SEC14L1: variants seen among roughly 807,000 people sequenced by gnomAD.
The protein encoded by SEC14L1 is SEC14-like protein 1.
SEC14L1 carries 48 observed loss-of-function variants against 85.3 expected under a neutral mutation model. That is an observed-to-expected ratio of 0.56 (90% CI 0.45 to 0.72). The LOEUF (loss-of-function observed/expected upper bound fraction) is 0.72. Ranked by LOEUF, SEC14L1 falls within the 30% of genes least tolerant of loss-of-function variation. The probability of loss-of-function intolerance (pLI) is 0.00; values close to 1 mark genes in which losing one functional copy is unlikely to be tolerated. For synonymous variants in SEC14L1, 391 were observed against 355.5 expected (o/e 1.10, Z -1.12); for missense variants, 682 against 921.4 (o/e 0.74, Z 3.36).
In SEC14L1 at chr17:77,112,852, C is replaced by T. The variant is rs964432395; in HGVS notation, c.-136+19505C>T. On this transcript the variant is annotated intron_variant, in intron 3 of 19. Transcript: ENST00000392476. ...TCGCGCCACTGCATTCCAGCCTGGG[C>T]GACAGAGCGAGACTCAAAAAAAAAA... Among the ~76,000 whole-genome samples, 7 of 146,202 alleles carry T rather than the reference C, an allele frequency of 4.8e-5. No individual in the cohort carries two copies. The South Asian group carries it at 6.5e-4, about 14-fold the overall frequency.
chr17:77,101,927 C>T lies in SEC14L1; in HGVS notation c.-136+8580C>T, dbSNP rs974746658. Among the ~76,000 whole-genome samples the T allele has an allele frequency of 3.3e-5, 5 of 152,148 alleles. No individual in the cohort carries two copies. The South Asian group carries it at 8.3e-4, about 25-fold the overall frequency. On this transcript the variant is annotated intron_variant, in intron 3 of 19. Coordinates refer to the SEC14L1 transcript ENST00000392476. ...TCTTGTAGTTTATTCACCAGGGTCT[C>T]TATGTCATGCAAGCTGGGTTCTCTG...
chr17:77,116,880 A>T (rs1972181778), intron 3 of SEC14L1, among the ~76,000 whole-genome samples: 1 of 152,106 alleles, frequency 6.6e-6, no homozygotes, highest in South Asian at 2.1e-4. Flanking sequence ...CAGCTGTGAG[A>T]GGGGGCTGGG....
intron 2 of SEC14L1, 86 bp from the exon 3 acceptor site, chr17:77,143,481 G>T: frequency 1.4e-6 from 1 of 703,070 alleles, no homozygotes; most frequent in South Asian, 1.9e-5. Flanking sequence ...TCTGTCGTTA[G>T]AGTGTGGTAT....
rs1973116905 is a variant in SEC14L1 at position 77,142,732 on chromosome 17, A to G, written c.-49A>G. On this transcript the variant is annotated 5_prime_UTR_variant, in exon 2 of 17. Coordinates refer to ENST00000436233, the MANE Select transcript of SEC14L1 (RefSeq NM_001143998.2). ...TCAGCATAAAGTACCATTCTTAATGATTATCCTCAACAAGACAGGTAGGCT... is the reference window on the plus strand; with the variant it reads ...TCAGCATAAAGTACCATTCTTAATGGTTATCCTCAACAAGACAGGTAGGCT... 1 of 152,064 alleles carries G rather than the reference A, an allele frequency of 6.6e-6. No individual in the cohort carries two copies. The highest frequency in any genetic ancestry group is 1.5e-5 in the Non-Finnish European group (1 of 68,030). 9.4% of individuals were successfully genotyped at this position (152,064 alleles called of 1,614,324 possible). A position where few individuals can be genotyped will look rare whatever the true frequency, so the allele number is the denominator to read the frequency against.
upstream of SEC14L1, among the ~76,000 whole-genome samples, chr17:77,138,800 G>A (rs1972869889): frequency 1.3e-5 from 2 of 152,108 alleles, no homozygotes; most frequent in South Asian, 4.1e-4. Flanking sequence ...CTCAAGCCTG[G>A]GGAACAGAGT....
intron 3 of SEC14L1, among the ~76,000 whole-genome samples, chr17:77,113,914 A>G (rs557867927): frequency 3.9e-5 from 6 of 152,276 alleles, no homozygotes; most frequent in African/African-American, 9.6e-5. Flanking sequence ...CAGTACAGCA[A>G]AGAGTTAAGC....
At chr17:77,139,789 C>T (rs1027674702), upstream of SEC14L1, among the ~76,000 whole-genome samples, 5 of 152,072 alleles carry the variant, frequency 3.3e-5, no homozygotes, top group African/African-American at 9.7e-5. Flanking sequence ...TGAGCCACCG[C>T]GCCCGGCCGG....
At chr17:77,184,425 C>T (rs1480552787) in intron 3 of SEC14L1, among the ~76,000 whole-genome samples, 2 of 152,130 alleles carry the variant, frequency 1.3e-5, no homozygotes, top group Non-Finnish European at 2.9e-5. Flanking sequence ...AATTGGCAAT[C>T]CTTCTGTGTT....
intron 3 of SEC14L1, among the ~76,000 whole-genome samples, chr17:77,163,290 G>T (rs998153422): frequency 6.6e-6 from 1 of 152,096 alleles, no homozygotes; most frequent in Non-Finnish European, 1.5e-5. Flanking sequence ...CGTCTGCCCC[G>T]GGATTATCTT....
chr17:77,128,998 G>C (rs969093269), intron 3 of SEC14L1, among the ~76,000 whole-genome samples: 1 of 152,066 alleles, frequency 6.6e-6, no homozygotes, highest in Non-Finnish European at 1.5e-5. Flanking sequence ...TTTCATGTTG[G>C]TCTTTTGAAC....
intron 2 of SEC14L1, chr17:77,089,554 A>G (rs1971456219): frequency 2.1e-6 from 1 of 476,432 alleles, no homozygotes; most frequent in Admixed American, 2.4e-5. Flanking sequence ...TCAAAACTTC[A>G]TAAACAATGT....
In SEC14L1 at chr17:77,206,982, G is replaced by T. The variant is rs542224326; in HGVS notation, c.1476+120G>T. 2 of 1,116,682 alleles carry T rather than the reference G, an allele frequency of 1.8e-6. No homozygotes were observed. The highest frequency in any genetic ancestry group is 2.6e-5 in the East Asian group (1 of 38,378). The allele number at this position is 1,116,682 out of a possible 1,614,324, so 69.2% of individuals were successfully genotyped here. A position where few individuals can be genotyped will look rare whatever the true frequency, so the allele number is the denominator to read the frequency against. The stretch of plus-strand genomic sequence containing the variant: ...TGTTTGGATGTTTTGTTTTTGTTTT[G>T]TTTCTTTTGGCCGCCATTTCTCTGA... On this transcript the variant is annotated intron_variant, in intron 13 of 16. Transcript: ENST00000436233. This position sits in a 1 kb window ranked among gnomAD's most constrained non-coding sequence, Gnocchi z 4.3.
intron 3 of SEC14L1, among the ~76,000 whole-genome samples, chr17:77,147,309 A>G (rs1054015750): frequency 6.6e-6 from 1 of 152,128 alleles, no homozygotes; most frequent in African/African-American, 2.4e-5. Context: ...GTCAGGTCAG[A>G]TATGTTAATT....
chr17:77,120,357 C>T (rs1972265387), intron 3 of SEC14L1, among the ~76,000 whole-genome samples: 3 of 152,162 alleles, frequency 2.0e-5, no homozygotes, highest in Admixed American at 6.6e-5. Flanking sequence ...ACCACAGTGC[C>T]ATCACAGAGG....
chr17:77,212,222 A>C, intron 15 of SEC14L1, 21 bp downstream of exon 15: 1 of 1,610,962 alleles, frequency 6.2e-7, no homozygotes, highest in African/African-American at 1.3e-5. Flanking sequence ...ACACAGGTCA[A>C]ATCGCGCATC....
chr17:77,090,421 A>G (rs1344336218), intron 2 of SEC14L1, among the ~76,000 whole-genome samples: 1 of 147,332 alleles, frequency 6.8e-6, no homozygotes, highest in Non-Finnish European at 1.5e-5. Flanking sequence ...TTGGGGTGCC[A>G]AGGTGGGAGG....
In SEC14L1 at chr17:77,216,227, C is replaced by A. The variant is rs113878867; in HGVS notation, c.*2204C>A. 3.5e-4 allele frequency: 325 copies of A among 935,998 alleles called. 5 individuals carry two copies. Among genetic ancestry groups the A allele is most frequent in the South Asian group, 2.6e-3 (79 of 30,210 alleles). The allele number at this position is 935,998 out of a possible 1,614,324, so 58.0% of individuals were successfully genotyped here. A position where few individuals can be genotyped will look rare whatever the true frequency, so the allele number is the denominator to read the frequency against. On this transcript the variant is annotated 3_prime_UTR_variant, in exon 17 of 17. Coordinates refer to ENST00000436233, the MANE Select transcript of SEC14L1 (RefSeq NM_001143998.2). ...GTAGGTAGGGCTAGTAGGTAGGGTT[C>A]GTAGGTAGGGTTCGTAGGTAGGGTT...
chr17:77,206,904 C>T lies in SEC14L1; in HGVS notation c.1476+42C>T. ...GGAACTGCACATTTGGCCCCTTATG[C>T]AGGTGGGAGAGGTCGGTGTCGATTT... On this transcript the variant is annotated intron_variant, in intron 13 of 16. Transcript: ENST00000436233. The surrounding 1 kb of genome is among the most constrained non-coding windows in gnomAD (Gnocchi z 4.3). The T allele has an allele frequency of 6.8e-7, 1 of 1,464,768 alleles. No individual in the cohort carries two copies. The highest frequency in any genetic ancestry group is 9.1e-7 in the Non-Finnish European group (1 of 1,103,570). 90.7% of individuals were successfully genotyped at this position (1,464,768 alleles called of 1,614,324 possible).
At chr17:77,141,978 G>A (rs901299521) in intron 1 of SEC14L1, among the ~76,000 whole-genome samples, 3 of 152,174 alleles carry the variant, frequency 2.0e-5, no homozygotes, top group African/African-American at 7.2e-5. Context: ...TGTGTCAGTC[G>A]CATAATCAAG....
Sources: gnomAD v4.1 joint callset for allele counts (sites outside exome capture counted in the v4.1 genomes callset) on GRCh38, gnomAD v4.1.1 for gene constraint, Gnocchi (gnomAD v3.1) non-coding constraint, MANE v1.5 for transcripts, NCBI Gene and HGNC (gene_info 2026-07-23, HGNC 2026-07-21) for gene names.